Variants in LPCAT2 observed in about 807,000 individuals in gnomAD.
The protein encoded by LPCAT2 is 1-AGP acyltransferase 11.
Under a neutral mutation model 64.7 loss-of-function variants are expected in LPCAT2, and 58 were observed. That is an observed-to-expected ratio of 0.90 (90% CI 0.73 to 1.12). The LOEUF (loss-of-function observed/expected upper bound fraction) is 1.12. Among genes scored for constraint, LPCAT2 ranks in the 50% most tolerant of loss-of-function variants. LPCAT2 has a pLI of 0.00. For missense variants in LPCAT2, 579 were observed against 669.8 expected, an observed-to-expected ratio of 0.86 and a Z score of 1.50; for synonymous variants, 252 against 245.3, an observed-to-expected ratio of 1.03 and a Z score of -0.26.
intron 11 of LPCAT2, among the ~76,000 whole-genome samples, chr16:55,552,895 G>T (rs1436493428): frequency 6.6e-6 from 1 of 152,162 alleles, no homozygotes; most frequent in Non-Finnish European, 1.5e-5. Context: ...AAAAAAATAA[G>T]ACAACAATGA....
At chr16:55,544,115 AAG>A (rs1963426634) in intron 8 of LPCAT2, among the ~76,000 whole-genome samples, 1 of 152,136 alleles carries the variant, frequency 6.6e-6, no homozygotes, top group African/African-American at 2.4e-5. Context: ...CTTACCGCTG[AAG>A]TTACCACTTA....
At chr16:55,539,406 C>T (rs1483189196) in intron 8 of LPCAT2, 5 of 152,010 alleles carry the variant, frequency 3.3e-5, no homozygotes, top group South Asian at 2.1e-4. Context: ...TGAAAATAGC[C>T]GCGTCGACAG....
intron 11 of LPCAT2, among the ~76,000 whole-genome samples, chr16:55,570,625 A>G (rs947359274): frequency 6.6e-6 from 1 of 152,152 alleles, no homozygotes; most frequent in Non-Finnish European, 1.5e-5. Flanking sequence ...AAAAAATCTT[A>G]TCAGTAGTAT....
intron 1 of LPCAT2, among the ~76,000 whole-genome samples, chr16:55,512,974 C>T (rs1567388581): frequency 1.3e-5 from 2 of 152,166 alleles, no homozygotes; most frequent in African/African-American, 2.4e-5. Flanking sequence ...ATTTTACCTA[C>T]CTGCCAGGAC....
At chr16:55,529,272 G>A (rs1963218602) in intron 3 of LPCAT2, among the ~76,000 whole-genome samples, 1 of 152,074 alleles carries the variant, frequency 6.6e-6, no homozygotes, top group African/African-American at 2.4e-5. Flanking sequence ...AGAAGTAATA[G>A]TAGTTCTTGC....
chr16:55,585,149 A>G lies in LPCAT2; in HGVS notation c.*2051A>G, dbSNP rs1182059219. 1 of 152,194 alleles carries G rather than the reference A, an allele frequency of 6.6e-6. No individual in the cohort carries two copies. The highest frequency in any genetic ancestry group is 1.9e-4 in the East Asian group (1 of 5,206). The allele number at this position is 152,194 out of a possible 1,614,324, so 9.4% of individuals were successfully genotyped here. On this transcript the variant is annotated 3_prime_UTR_variant, in exon 14 of 14. Transcript: ENST00000262134. ...TTCTATTTTGTGATTATGTTACTGA[A>G]TAAACAAACTTGCTACATAAAATTC...
chr16:55,553,443 C>T (rs1963540880), intron 11 of LPCAT2, among the ~76,000 whole-genome samples: 1 of 152,192 alleles, frequency 6.6e-6, no homozygotes, highest in Non-Finnish European at 1.5e-5. Context: ...CAATAAACCA[C>T]TTTCTTTGCT....
chr16:55,541,916 A>G lies in LPCAT2; in HGVS notation c.853-3819A>G, dbSNP rs1423683654. On this transcript the variant is annotated intron_variant, in intron 8 of 13. Coordinates refer to ENST00000262134, the MANE Select transcript of LPCAT2 (RefSeq NM_017839.5). ...CTTCTTTTGCATTTTTTCTCTTCGA[A>G]GATTTAAAAGAAGAATTACACAAAG... 3.1e-6 allele frequency: 4 copies of G among 1,282,992 alleles called. No homozygotes were observed. In the African/African-American group the frequency reaches 6.1e-5, roughly 20 times the overall value. 79.5% of individuals were successfully genotyped at this position (1,282,992 alleles called of 1,614,324 possible).
chr16:55,512,685 T>C (rs1962950090), intron 1 of LPCAT2, among the ~76,000 whole-genome samples: 1 of 152,324 alleles, frequency 6.6e-6, no homozygotes, highest in Middle Eastern at 3.4e-3. Context: ...TCAAGGACTC[T>C]GGAGGAAAGT....
chr16:55,525,576 A>C lies in LPCAT2; in HGVS notation c.240A>C (p.Ala80=). 1 of 1,612,186 alleles carries C rather than the reference A, an allele frequency of 6.2e-7. No homozygotes were observed. The highest frequency in any genetic ancestry group is 8.5e-7 in the Non-Finnish European group (1 of 1,178,914). ...VLLVALILLL[A]WPFAAISTVC... The stretch of plus-strand genomic sequence containing the variant: ...TGGTTGCGTTAATTTTATTACTTGC[A>C]TGGCCATTTGCTGCAATTTCAACAG... The change falls in exon 2 of 14, where the codon GCA becomes GCC. Residue 80 remains alanine (A), a synonymous_variant. Transcript: ENST00000262134.
chr16:55,509,688 G>T (rs1435872536), intron 1 of LPCAT2, among the ~76,000 whole-genome samples: 2 of 152,214 alleles, frequency 1.3e-5, no homozygotes, highest in East Asian at 3.9e-4. Context: ...AAGAGCAGTG[G>T]ATCTGAGAGG....
intron 1 of LPCAT2, among the ~76,000 whole-genome samples, chr16:55,524,486 G>A (rs1053294521): frequency 3.3e-5 from 5 of 152,018 alleles, no homozygotes; most frequent in South Asian, 4.1e-4. Flanking sequence ...GTGGTTACAT[G>A]AGTATATATT....
chr16:55,531,624 C>T (rs1963254059), intron 4 of LPCAT2, among the ~76,000 whole-genome samples: 1 of 152,098 alleles, frequency 6.6e-6, no homozygotes, highest in Non-Finnish European at 1.5e-5. Context: ...ATGAATTATG[C>T]TCTACATCTT....
chr16:55,576,049 A>G (rs915530127), intron 12 of LPCAT2, among the ~76,000 whole-genome samples: 4 of 152,226 alleles, frequency 2.6e-5, no homozygotes, highest in African/African-American at 7.2e-5. Flanking sequence ...TGGTTTACCA[A>G]TGAAAGACCT....
At chr16:55,514,284 A>G (rs750546517) in intron 1 of LPCAT2, among the ~76,000 whole-genome samples, 2 of 152,146 alleles carry the variant, frequency 1.3e-5, no homozygotes, top group Non-Finnish European at 2.9e-5. Context: ...AAAATACCCT[A>G]AGCTGTCACC....
intron 11 of LPCAT2, among the ~76,000 whole-genome samples, chr16:55,561,901 C>T (rs1963640648): frequency 6.6e-6 from 1 of 151,970 alleles, no homozygotes; most frequent in African/African-American, 2.4e-5. Flanking sequence ...ACACAAACCA[C>T]TCAGTGTGGC....
chr16:55,567,695 A>G (rs1963722404), intron 11 of LPCAT2: 2 of 602,136 alleles, frequency 3.3e-6, no homozygotes, highest in Non-Finnish European at 5.8e-6. Context: ...AAATGTTCTG[A>G]GTGGTTTGTA....
At chr16:55,527,973 T>C (rs1196429432) in intron 2 of LPCAT2, among the ~76,000 whole-genome samples, 1 of 152,218 alleles carries the variant, frequency 6.6e-6, no homozygotes, top group Non-Finnish European at 1.5e-5. Flanking sequence ...AGGACAATAC[T>C]GATTTGGATA....
chr16:55,584,154 G>T lies in LPCAT2; in HGVS notation c.*1056G>T, dbSNP rs1233126691. 3 of 152,166 alleles carry T rather than the reference G, an allele frequency of 2.0e-5. No individual in the cohort carries two copies. The highest frequency in any genetic ancestry group is 4.4e-5 in the Non-Finnish European group (3 of 68,030). 9.4% of individuals were successfully genotyped at this position (152,166 alleles called of 1,614,324 possible). A position where few individuals can be genotyped will look rare whatever the true frequency, so the allele number is the denominator to read the frequency against. The stretch of plus-strand genomic sequence containing the variant: ...AAAATGAATTGTTTGCCACAGAGTT[G>T]AATTTAATTTGAGTTAGATAGTTCA... On this transcript the variant is annotated 3_prime_UTR_variant, in exon 14 of 14. Coordinates refer to ENST00000262134, the MANE Select transcript of LPCAT2 (RefSeq NM_017839.5).
Sources: gnomAD v4.1 joint callset for allele counts (sites outside exome capture counted in the v4.1 genomes callset) on GRCh38, gnomAD v4.1.1 for gene constraint, MANE v1.5 for transcripts, NCBI Gene and HGNC (gene_info 2026-07-23, HGNC 2026-07-21) for gene names.